PALLD: variants seen among roughly 807,000 people sequenced by gnomAD.
PALLD encodes palladin, cytoskeletal associated protein, also known as palladin.
A neutral mutation model predicts 123.5 loss-of-function variants in PALLD; 61 were observed. That is an observed-to-expected ratio of 0.49 (90% CI 0.40 to 0.61). The LOEUF is 0.61. PALLD is among the 20% of genes least tolerant of loss of function. PALLD has a pLI of 0.00. For synonymous variants in PALLD, 465 were observed against 496.4 expected, an observed-to-expected ratio of 0.94 and a Z score of 0.84; for missense variants, 1,273 against 1,377.0, an observed-to-expected ratio of 0.92 and a Z score of 1.20.
intron 2 of PALLD, among the ~76,000 whole-genome samples, chr4:168,600,052 CATATAT>C (rs760461343): frequency 3.7e-5 from 5 of 134,114 alleles, no homozygotes; most frequent in African/African-American, 5.2e-5. Flanking sequence ...TGTATACACA[CATATAT>C]ACATACATGT....
At chr4:168,759,208 T>A (rs1486940732) in intron 10 of PALLD, among the ~76,000 whole-genome samples, 2,201 of 15,368 alleles carry the variant, frequency 0.14, 467 homozygotes, top group Middle Eastern at 0.23. Flanking sequence ...AAAAAATATA[T>A]ATATATATAT....
chr4:168,676,764 A>G (rs1211244318), intron 3 of PALLD, among the ~76,000 whole-genome samples: 1 of 149,834 alleles, frequency 6.7e-6, no homozygotes, highest in Non-Finnish European at 1.5e-5. Context: ...TAGTTTTAGT[A>G]GAGATGGGGT....
intron 10 of PALLD, among the ~76,000 whole-genome samples, chr4:168,819,820 T>C (rs995500414): frequency 2.1e-4 from 32 of 152,218 alleles, no homozygotes; most frequent in African/African-American, 7.5e-4. Context: ...ATAATAACTA[T>C]TGAGTAATCA....
intron 3 of PALLD, among the ~76,000 whole-genome samples, chr4:168,670,622 A>G (rs1201880335): frequency 1.3e-5 from 2 of 150,512 alleles, no homozygotes; most frequent in African/African-American, 4.9e-5. Flanking sequence ...AGTCCCAGCT[A>G]CTCGGGAGGC....
Position 168,512,432 on chromosome 4 carries a change from G to A in PALLD, c.908+20G>A, listed in dbSNP as rs780688506. On this transcript the variant is annotated intron_variant, in intron 2 of 21. Coordinates refer to ENST00000505667, the MANE Select transcript of PALLD (RefSeq NM_001166108.2). Reference sequence around the variant, plus strand: ...AGTCAGGTATGAATTTTTGTATTATGCATAGCAAATGATCTTGTTGACTTT... The same window carrying A: ...AGTCAGGTATGAATTTTTGTATTATACATAGCAAATGATCTTGTTGACTTT... 1 of 1,596,706 alleles carries A rather than the reference G, an allele frequency of 6.3e-7. No homozygotes were observed. The highest frequency in any genetic ancestry group is 1.1e-5 in the South Asian group (1 of 90,614).
chr4:168,921,966 C>T (rs1724697047), intron 18 of PALLD, among the ~76,000 whole-genome samples: 1 of 152,016 alleles, frequency 6.6e-6, no homozygotes, highest in African/African-American at 2.4e-5. Context: ...ATTTTATTAG[C>T]TCTTTTGGGT....
chr4:168,639,720 T>G (rs1392564783), intron 2 of PALLD, among the ~76,000 whole-genome samples: 2 of 110,406 alleles, frequency 1.8e-5, no homozygotes, highest in African/African-American at 7.3e-5. Flanking sequence ...ATTTTTTGTA[T>G]TTTTTAGTAG....
chr4:168,787,478 C>G (rs886926773), intron 10 of PALLD, among the ~76,000 whole-genome samples: 1 of 152,184 alleles, frequency 6.6e-6, no homozygotes, highest in African/African-American at 2.4e-5. Flanking sequence ...CCTGTGCTGT[C>G]AGCACAGTAG....
chr4:168,550,868 T>C (rs1193954261), intron 2 of PALLD, among the ~76,000 whole-genome samples: 2 of 152,266 alleles, frequency 1.3e-5, no homozygotes, highest in Non-Finnish European at 2.9e-5. Flanking sequence ...GTTTTACTAC[T>C]TGTCATTATT....
At chr4:168,609,345 C>A (rs1335750997) in intron 2 of PALLD, among the ~76,000 whole-genome samples, 40 of 71,602 alleles carry the variant, frequency 5.6e-4, no homozygotes, top group Admixed American at 6.9e-4. Context: ...AAGCTGTTAC[C>A]AAAAAAAAAA....
chr4:168,719,109 T>C (rs1332264244), intron 10 of PALLD, among the ~76,000 whole-genome samples: 1 of 151,900 alleles, frequency 6.6e-6, no homozygotes, highest in Non-Finnish European at 1.5e-5. Flanking sequence ...GGTTTCACCA[T>C]GTTGGTCAGG....
chr4:168,712,202 G>A, intron 10 of PALLD: 1 of 526,980 alleles, frequency 1.9e-6, no homozygotes. Flanking sequence ...TACAGCTAAG[G>A]ATGTAGCCAC....
At chr4:168,861,549 C>T (rs1437706108) in intron 10 of PALLD, among the ~76,000 whole-genome samples, 1 of 152,042 alleles carries the variant, frequency 6.6e-6, no homozygotes, top group South Asian at 2.1e-4. Context: ...ATGGATCACC[C>T]TTTTGTTGTC....
intron 10 of PALLD, among the ~76,000 whole-genome samples, chr4:168,835,321 C>T (rs936642088): frequency 2.0e-5 from 3 of 152,192 alleles, no homozygotes; most frequent in Admixed American, 6.5e-5. Context: ...AAAATAGACA[C>T]TAACCATATA....
chr4:168,522,340 T>C (rs140159782), intron 2 of PALLD, among the ~76,000 whole-genome samples: 1 of 152,256 alleles, frequency 6.6e-6, no homozygotes. Flanking sequence ...CTAAGTATTA[T>C]ACCATGCTGC....
chr4:168,587,605 A>G (rs1397728585), intron 2 of PALLD, among the ~76,000 whole-genome samples: 1 of 152,066 alleles, frequency 6.6e-6, no homozygotes, highest in Non-Finnish European at 1.5e-5. Context: ...GTTTTTTCTC[A>G]AACCTCAGCT....
At chr4:168,550,056 A>C (rs1029591333) in intron 2 of PALLD, among the ~76,000 whole-genome samples, 4 of 152,194 alleles carry the variant, frequency 2.6e-5, no homozygotes, top group Admixed American at 2.6e-4. Flanking sequence ...TCCATTAGCC[A>C]TAGTGAATAC....
intron 14 of PALLD, among the ~76,000 whole-genome samples, chr4:168,901,682 A>G (rs1756547531): frequency 6.6e-6 from 1 of 151,934 alleles, no homozygotes; most frequent in Non-Finnish European, 1.5e-5. Context: ...ATATTGTGAA[A>G]CCCCATCTCT....
intron 10 of PALLD, among the ~76,000 whole-genome samples, chr4:168,750,646 A>AAGAT (rs1472590797): frequency 6.6e-6 from 1 of 152,192 alleles, no homozygotes; most frequent in Non-Finnish European, 1.5e-5. Context: ...GTTGAAATCA[A>AAGAT]AGATAGATTT....
Sources: gnomAD v4.1 joint callset for allele counts (sites outside exome capture counted in the v4.1 genomes callset) on GRCh38, gnomAD v4.1.1 for gene constraint, MANE v1.5 for transcripts, NCBI Gene and HGNC (gene_info 2026-07-23, HGNC 2026-07-21) for gene names.